The following BRPF1 variants were observed in gnomAD, a reference collection of about 807,000 sequenced individuals.
BRPF1 encodes peregrin.
BRPF1 carries 15 observed loss-of-function variants against 115.0 expected under a neutral mutation model. That is an observed-to-expected ratio of 0.13 (90% CI 0.09 to 0.20). The LOEUF is 0.20. BRPF1 is among the 10% of genes least tolerant of loss of function. BRPF1 has a pLI of 1.00. For missense variants in BRPF1, 1,118 were observed against 1,638.3 expected (o/e 0.68, Z 5.48); for synonymous variants, 647 against 619.8 (o/e 1.04, Z -0.65).
intron 2 of BRPF1, among the ~76,000 whole-genome samples, chr3:9,736,577 ACAGG>A (rs2076945646): frequency 6.6e-6 from 1 of 152,084 alleles, no homozygotes; most frequent in South Asian, 2.1e-4. Context: ...CTCTGCTCTA[ACAGG>A]CAGCCCAGCC....
chr3:9,745,817 A>C lies in BRPF1; in HGVS notation c.3211A>C (p.Arg1071=), dbSNP rs1384126307. ...TCTCCCCCATTCCTGTGAAGTGGTA[A>C]GGAAGAGTCTGGGCCGGGGAGCTGG... ...TGRGVGHSMV[R]KSLGRGAGWL... The change falls in exon 12 of 14, where the codon AGG becomes CGG. Residue 1071 remains arginine, a synonymous_variant. Transcript: ENST00000383829. This position sits in a 1 kb window ranked among gnomAD's most constrained non-coding sequence, Gnocchi z 5.1. 2 of 1,613,934 alleles carry C rather than the reference A, an allele frequency of 1.2e-6. No individual in the cohort carries two copies. Among genetic ancestry groups the C allele is most frequent in the Non-Finnish European group, 1.7e-6 (2 of 1,179,888 alleles).
Position 9,734,162 on chromosome 3 carries a change from A to G in BRPF1, c.22A>G (p.Lys8Glu), listed in dbSNP as rs1174160909. MGVDFDV[K>E]TFCHNLRATK... ...CAGCATGGGGGTGGACTTTGATGTG[A>G]AGACTTTCTGCCACAACTTGCGGGC... The change falls in exon 2 of 14, where the codon AAG becomes GAG. Residue 8 changes from lysine to glutamate, a missense_variant. Transcript: ENST00000383829. The surrounding 1 kb of genome is among the most constrained non-coding windows in gnomAD (Gnocchi z 5.7). 6.2e-7 allele frequency: 1 copy of G among 1,609,706 alleles called. No individual in the cohort carries two copies. The highest frequency in any genetic ancestry group is 8.5e-7 in the Non-Finnish European group (1 of 1,176,914).
chr3:9,745,213 C>A lies in BRPF1; in HGVS notation c.3068+58C>A. The A allele has an allele frequency of 6.4e-7, 1 of 1,570,864 alleles. No individual in the cohort carries two copies. The highest frequency in any genetic ancestry group is 8.6e-7 in the Non-Finnish European group (1 of 1,161,726). On this transcript the variant is annotated intron_variant, in intron 10 of 13. Coordinates refer to ENST00000383829, the MANE Select transcript of BRPF1 (RefSeq NM_001003694.2). This position sits in a 1 kb window ranked among gnomAD's most constrained non-coding sequence, Gnocchi z 5.1. ...GGGATGCCCTTCCAGGGCTCTTGGG[C>A]CTGTGTAGGTTTCCCTGTTGGAAGT...
Position 9,734,703 on chromosome 3 carries a change from C to A in BRPF1, c.563C>A (p.Thr188Asn). ...GTCTATCGGGAGCTGGAACAGGACA[C>A]CCCTGATGCCCCACCCCGGCCAACT... ...EVVYRELEQDTPDAPPRPTSY... is the reference protein window; with the variant it reads ...EVVYRELEQDNPDAPPRPTSY... The change falls in exon 2 of 14, where the codon ACC becomes AAC. Residue 188 changes from threonine to asparagine, a missense_variant. Coordinates refer to ENST00000383829, the MANE Select transcript of BRPF1 (RefSeq NM_001003694.2). The surrounding 1 kb of genome is among the most constrained non-coding windows in gnomAD (Gnocchi z 5.7). 6.2e-7 allele frequency: 1 copy of A among 1,614,164 alleles called. No individual in the cohort carries two copies. The highest frequency in any genetic ancestry group is 8.5e-7 in the Non-Finnish European group (1 of 1,180,026).
intron 2 of BRPF1, among the ~76,000 whole-genome samples, chr3:9,735,187 AT>A (rs869211307): frequency 2.0e-5 from 3 of 151,772 alleles, no homozygotes; most frequent in African/African-American, 7.3e-5. Context: ...AGTTTTTAAA[AT>A]TTTTTGTAGA....
Position 9,739,074 on chromosome 3 carries a change from G to C in BRPF1, c.675G>C (p.Leu225=). 4 of 1,613,224 alleles carry C rather than the reference G, an allele frequency of 2.5e-6. No homozygotes were observed. Among genetic ancestry groups the C allele is most frequent in the Non-Finnish European group, 2.5e-6 (3 of 1,179,458 alleles). ...TGGACGAGGAGGACTACATCTGGCTGGATATCATGAATGAGCGTCGGAAGA... is the reference window on the plus strand; with the variant it reads ...TGGACGAGGAGGACTACATCTGGCTCGATATCATGAATGAGCGTCGGAAGA... ...YDMDEEDYIW[L]DIMNERRKTE... is the part of the protein sequence containing the mutation. Residue 225 remains leucine, a synonymous_variant, in exon 3 of 14, where the codon CTG becomes CTC. Transcript: ENST00000383829.
rs760409351 is a variant in BRPF1, at chr3:9,742,992, A to G, written c.2050A>G (p.Met684Val). Reference protein sequence around the residue: ...HIKKPMDFFTMKQNLEAYRYL... With the variant: ...HIKKPMDFFTVKQNLEAYRYL... ...CAAAAAGCCCATGGACTTTTTCACC[A>G]TGAAGCAGAACTTGGAGGCTTACCG... The change falls in exon 7 of 14, where the codon ATG becomes GTG. Residue 684 changes from methionine to valine, a missense_variant. By Grantham distance (21) the Met-to-Val change is conservative. Transcript: ENST00000383829. The G allele has an allele frequency of 6.2e-7, 1 of 1,614,202 alleles. No individual in the cohort carries two copies. Among genetic ancestry groups the G allele is most frequent in the Non-Finnish European group, 8.5e-7 (1 of 1,180,034 alleles).
rs2125516303 is a variant in BRPF1 at position 9,746,421 on chromosome 3, A to G, written c.3446A>G (p.Tyr1149Cys). ...QMTQEAREHLYLVLFFDNKRT... is the reference protein window; with the variant it reads ...QMTQEAREHLCLVLFFDNKRT... ...ACCCAGGAAGCCCGAGAGCATCTCT[A>G]CCTCGTCCTCTTCTTTGACAACAAA... is the stretch of plus-strand genomic sequence containing the variant. The change falls in exon 13 of 14, where the codon TAC (tyrosine) becomes TGC (cysteine). Residue 1149 changes from tyrosine (Y) to cysteine (C), a missense_variant. Transcript: ENST00000383829. 6.3e-7 allele frequency: 1 copy of G among 1,598,742 alleles called. No homozygotes were observed. The highest frequency in any genetic ancestry group is 8.5e-7 in the Non-Finnish European group (1 of 1,170,712).
At position 9,744,659 on chromosome 3, in the gene BRPF1, T is replaced by A. The variant is rs2077091994; in HGVS notation, c.2920+151T>A. On this transcript the variant is annotated intron_variant, in intron 9 of 13. Transcript: ENST00000383829. ...TAACTCCACTCACTCATCTTACAGT[T>A]GGGAAAACTGAGGCCCAGAGACACT... 7.5e-6 allele frequency: 5 copies of A among 662,394 alleles called. No homozygotes were observed. In the South Asian group the frequency reaches 1.1e-4, roughly 15 times the overall value. The allele number at this position is 662,394 out of a possible 1,614,324, so 41.0% of individuals were successfully genotyped here. A position where few individuals can be genotyped will look rare whatever the true frequency, so the allele number is the denominator to read the frequency against.
chr3:9,744,471 C>G lies in BRPF1; in HGVS notation c.2883C>G (p.Asp961Glu), dbSNP rs1254876971. Residue 961 changes from aspartate (D) to glutamate (E), a missense_variant, in exon 9 of 14, where the codon GAC becomes GAG. Coordinates refer to ENST00000383829, the MANE Select transcript of BRPF1 (RefSeq NM_001003694.2). The part of the protein sequence containing the change: ...GRSPRPSSSS[D>E]SDSDKSTEDP... ...GCCCCCGGCCCAGTTCGAGCTCAGA[C>G]AGCGACAGTGATAAGTCCACAGAAG... 6.4e-7 allele frequency: 1 copy of G among 1,574,346 alleles called. No individual in the cohort carries two copies. The highest frequency in any genetic ancestry group is 2.3e-5 in the East Asian group (1 of 44,128).
At chr3:9,736,378 T>TTG (rs1439288864) in intron 2 of BRPF1, among the ~76,000 whole-genome samples, 3 of 152,194 alleles carry the variant, frequency 2.0e-5, no homozygotes, top group Non-Finnish European at 4.4e-5. Flanking sequence ...TCTCCACTGT[T>TTG]TGAGTTTAAG....
At chr3:9,735,561 T>C (rs2076926535) in intron 2 of BRPF1, among the ~76,000 whole-genome samples, 1 of 152,228 alleles carries the variant, frequency 6.6e-6, no homozygotes, top group Admixed American at 6.5e-5. Flanking sequence ...ATCACTGATT[T>C]CATAAGGTAC....
intron 2 of BRPF1, among the ~76,000 whole-genome samples, chr3:9,735,876 T>G (rs1419035217): frequency 6.6e-6 from 1 of 152,164 alleles, no homozygotes; most frequent in East Asian, 1.9e-4. Flanking sequence ...GATGAGTTAA[T>G]TTGCCAAGAG....
chr3:9,743,819 G>C lies in BRPF1; in HGVS notation c.2553G>C (p.Leu851=). ...ATGGCCCCTCGAGCCGGGGTAGTCT[G>C]ACACCCCACCCGGCAGCCTGTGACA... ...ERHGPSSRGS[L]TPHPAACDKD... Residue 851 remains leucine (L), a synonymous_variant, in exon 8 of 14, where the codon CTG becomes CTC. Coordinates refer to ENST00000383829, the MANE Select transcript of BRPF1 (RefSeq NM_001003694.2). This position sits in a 1 kb window ranked among gnomAD's most constrained non-coding sequence, Gnocchi z 6.1. The C allele has an allele frequency of 9.3e-6, 15 of 1,610,068 alleles. No homozygotes were observed. The highest frequency in any genetic ancestry group is 1.3e-5 in the Non-Finnish European group (15 of 1,176,704).
chr3:9,746,976 C>T (rs560244428), intron 13 of BRPF1, among the ~76,000 whole-genome samples, 190 bp from the exon 14 acceptor site: 5 of 152,246 alleles, frequency 3.3e-5, no homozygotes, highest in East Asian at 1.9e-4. Flanking sequence ...ACCCTCCCGC[C>T]GCCACCACAC....
At position 9,734,521 on chromosome 3, in the gene BRPF1, G is replaced by C. The variant is rs1176440578; in HGVS notation, c.381G>C (p.Glu127Asp). The C allele has an allele frequency of 7.4e-6, 12 of 1,614,016 alleles. No homozygotes were observed. The East Asian group carries it at 2.2e-4, about 30-fold the overall frequency. ...TGTCAGAGGATGAGGAAGCCCCCGA[G>C]GAGGCCCCTGAGAATGGCAGCAACA... ...DVVSEDEEAP[E>D]EAPENGSNKE... is the part of the protein sequence containing the mutation. Residue 127 changes from glutamate (E) to aspartate (D), a missense_variant, in exon 2 of 14, where the codon GAG (glutamate) becomes GAC (aspartate). By Grantham distance (45) the Glu-to-Asp change is conservative. Coordinates refer to ENST00000383829, the MANE Select transcript of BRPF1 (RefSeq NM_001003694.2). The surrounding 1 kb of genome is among the most constrained non-coding windows in gnomAD (Gnocchi z 5.7).
Position 9,741,373 on chromosome 3 carries a change from T to C in BRPF1, c.1788T>C (p.His596=). 6.2e-7 allele frequency: 1 copy of C among 1,609,432 alleles called. No individual in the cohort carries two copies. The highest frequency in any genetic ancestry group is 8.5e-7 in the Non-Finnish European group (1 of 1,176,688). Residue 596 remains histidine (H), a synonymous_variant, in exon 5 of 14, where the codon CAT becomes CAC. Coordinates refer to ENST00000383829, the MANE Select transcript of BRPF1 (RefSeq NM_001003694.2). ...TCAAGTCCTGGCAGCGGCTCCGGCA[T>C]GACTTGGAGCGAGCTCGGCTGCTCG... The part of the protein sequence containing the change: ...EQLKSWQRLR[H]DLERARLLVE...
chr3:9,735,168 T>C (rs1391733091), intron 2 of BRPF1, among the ~76,000 whole-genome samples: 2 of 152,040 alleles, frequency 1.3e-5, no homozygotes, highest in South Asian at 2.1e-4. Flanking sequence ...CATGCCACCA[T>C]GCCCAGCTAG....
rs1197030896 is a variant in BRPF1 at position 9,745,598 on chromosome 3, G to A, written c.3094G>A (p.Gly1032Ser). Residue 1032 changes from glycine to serine, a missense_variant, in exon 11 of 14, where the codon GGC becomes AGC. Physicochemically the swap from Gly to Ser is moderately conservative, Grantham distance 56. Around this residue, in one of 10 missense-constraint regions of BRPF1, gnomAD observed 100 missense variants for 109.9 expected, o/e 0.91. Coordinates refer to ENST00000383829, the MANE Select transcript of BRPF1 (RefSeq NM_001003694.2). The surrounding 1 kb of genome is among the most constrained non-coding windows in gnomAD (Gnocchi z 5.1). Reference protein sequence around the residue: ...TSTTPSKQGRGKPSFSRGTFP... With the variant: ...TSTTPSKQGRSKPSFSRGTFP... ...CACAACGCCCTCAAAACAAGGCCGGGGCAAACCCTCCTTCTCTCGGGGCAC... is the reference window on the plus strand; with the variant it reads ...CACAACGCCCTCAAAACAAGGCCGGAGCAAACCCTCCTTCTCTCGGGGCAC... 1.2e-6 allele frequency: 2 copies of A among 1,614,132 alleles called. No homozygotes were observed. Among genetic ancestry groups the A allele is most frequent in the South Asian group, 1.1e-5 (1 of 91,080 alleles).
Sources: gnomAD v4.1 joint callset for allele counts (sites outside exome capture counted in the v4.1 genomes callset) on GRCh38, gnomAD v4.1.1 for gene constraint, gnomAD v4.1.1 regional missense constraint, Gnocchi (gnomAD v3.1) non-coding constraint, MANE v1.5 for transcripts, NCBI Gene and HGNC (gene_info 2026-07-23, HGNC 2026-07-21) for gene names.